The following ZNF891 variants were observed in gnomAD, a reference collection of about 807,000 sequenced individuals.
ZNF891 encodes the protein zinc finger protein 891.
For missense variants in ZNF891, 589 were observed against 632.7 expected, an observed-to-expected ratio of 0.93 and a Z score of 0.74; for synonymous variants, 199 against 209.0, an observed-to-expected ratio of 0.95 and a Z score of 0.41.
In ZNF891 at chr12:133,118,711, C is replaced by G. The variant is rs1955729971; in HGVS notation, c.*1573G>C. The G allele has an allele frequency of 6.6e-6, 1 of 152,198 alleles. No individual in the cohort carries two copies. Among genetic ancestry groups the G allele is most frequent in the Non-Finnish European group, 1.5e-5 (1 of 68,042 alleles). 9.4% of individuals were successfully genotyped at this position (152,198 alleles called of 1,614,324 possible). On this transcript the variant is annotated 3_prime_UTR_variant, in exon 2 of 2. Transcript: ENST00000537226. The stretch of plus-strand genomic sequence containing the variant: ...TCCAATGCTGAAATGTTGGGATACT[C>G]TTTTTGCTGTTCTAAACACTTGCTT...
chr12:133,106,184 T>C lies in ZNF891; in HGVS notation c.*14100A>G. The C allele has an allele frequency of 6.2e-7, 1 of 1,614,202 alleles. No homozygotes were observed. The highest frequency in any genetic ancestry group is 8.5e-7 in the Non-Finnish European group (1 of 1,180,024). On this transcript the variant is annotated 3_prime_UTR_variant, in exon 2 of 2. Coordinates refer to ENST00000537226, the MANE Select transcript of ZNF891 (RefSeq NM_001277291.2). ...ACATACTGGAGAGAAACCTTATGAA[T>C]GCATTGAATGTGGGAAGGCATTTCG...
chr12:133,106,481 C>A lies in ZNF891; in HGVS notation c.*13803G>T. ...CTTCAGCCGGAGCTTTTCCCTCATT[C>A]TACATCAGAGAACTCATACTGGAGA... On this transcript the variant is annotated 3_prime_UTR_variant, in exon 2 of 2. Transcript: ENST00000537226. The A allele has an allele frequency of 6.2e-7, 1 of 1,613,996 alleles. No homozygotes were observed. Among genetic ancestry groups the A allele is most frequent in the Non-Finnish European group, 8.5e-7 (1 of 1,179,960 alleles).
chr12:133,106,075 T>C lies in ZNF891; in HGVS notation c.*14209A>G. ...CCAACCTCACTCGACATCAAAGAAT[T>C]CACATAGGAAAGAAACAATATATAT... On this transcript the variant is annotated 3_prime_UTR_variant, in exon 2 of 2. Coordinates refer to ENST00000537226, the MANE Select transcript of ZNF891 (RefSeq NM_001277291.2). 6.2e-7 allele frequency: 1 copy of C among 1,614,064 alleles called. No individual in the cohort carries two copies. Among genetic ancestry groups the C allele is most frequent in the African/African-American group, 1.3e-5 (1 of 75,034 alleles).
chr12:133,108,657 C>G lies in ZNF891; in HGVS notation c.*11627G>C, dbSNP rs1457586666. 1 of 152,254 alleles carries G rather than the reference C, an allele frequency of 6.6e-6. No homozygotes were observed. The highest frequency in any genetic ancestry group is 1.5e-5 in the Non-Finnish European group (1 of 68,038). The allele number at this position is 152,254 out of a possible 1,614,324, so 9.4% of individuals were successfully genotyped here. On this transcript the variant is annotated 3_prime_UTR_variant, in exon 2 of 2. Transcript: ENST00000537226. ...CCCCTGACTACATCAAATCTTTGCC[C>G]TCTAGTTTTTGTTGAGTGCAGCCAA... is the stretch of plus-strand genomic sequence containing the variant.
chr12:133,122,984 A>C (rs1243955188), intron 1 of ZNF891, among the ~76,000 whole-genome samples: 3 of 152,242 alleles, frequency 2.0e-5, no homozygotes, highest in East Asian at 3.8e-4. Context: ...GTAAATACAA[A>C]AGATACATGC....
In ZNF891 at chr12:133,104,837, CAT is replaced by C. The variant is rs1955526199; in HGVS notation, c.*15445_*15446del. ...CTTTCATTTTAGGTTAAAGGTTACT[CAT>C]GTTACATGAGCAAATTGTGTGTCAT... is the stretch of plus-strand genomic sequence containing the variant. On this transcript the variant is annotated 3_prime_UTR_variant, in exon 2 of 2. Coordinates refer to ENST00000537226, the MANE Select transcript of ZNF891 (RefSeq NM_001277291.2). Among the ~76,000 whole-genome samples, 1 of 152,124 alleles carries C rather than the reference CAT, an allele frequency of 6.6e-6. No individual in the cohort carries two copies. The highest frequency in any genetic ancestry group is 2.4e-5 in the African/African-American group (1 of 41,424).
Position 133,120,950 on chromosome 12 carries a change from A to T in ZNF891, c.969T>A (p.Asn323Lys). The T allele has an allele frequency of 6.5e-7, 1 of 1,535,972 alleles. No individual in the cohort carries two copies. The highest frequency in any genetic ancestry group is 8.7e-7 in the Non-Finnish European group (1 of 1,146,826). ...TCCTTTTGAAGGCTTTTCCACATTGATTGCATTCATGTTTCTTTTCAGTAT... is the reference window on the plus strand; with the variant it reads ...TCCTTTTGAAGGCTTTTCCACATTGTTTGCATTCATGTTTCTTTTCAGTAT... Reference protein sequence around the residue: ...QTHTEKKHECNQCGKAFKRIS... With the variant: ...QTHTEKKHECKQCGKAFKRIS... The change falls in exon 2 of 2, where the codon AAT (asparagine) becomes AAA (lysine). Residue 323 changes from asparagine (N) to lysine (K), a missense_variant. Asn to Lys is a moderately conservative substitution (Grantham distance 94, BLOSUM62 0). Coordinates refer to ENST00000537226, the MANE Select transcript of ZNF891 (RefSeq NM_001277291.2).
chr12:133,129,864 G>C (rs1337689562), intron 1 of ZNF891, among the ~76,000 whole-genome samples: 1 of 152,194 alleles, frequency 6.6e-6, no homozygotes, highest in Non-Finnish European at 1.5e-5. Flanking sequence ...TCATTACTAG[G>C]TTTAGAGATT....
rs1955712943 is a variant in ZNF891, at chr12:133,115,896, C to T, written c.*4388G>A. On this transcript the variant is annotated 3_prime_UTR_variant, in exon 2 of 2. Transcript: ENST00000537226. ...ATCTGAAAATCCAAAATTTTAAATG[C>T]TCCAATGAGCATTTCTTTTGAAAGT... 6.6e-6 allele frequency: 1 copy of T among 152,194 alleles called. No homozygotes were observed. The highest frequency in any genetic ancestry group is 2.4e-5 in the African/African-American group (1 of 41,452). 9.4% of individuals were successfully genotyped at this position (152,194 alleles called of 1,614,324 possible).
Position 133,109,356 on chromosome 12 carries a change from C to G in ZNF891, c.*10928G>C, listed in dbSNP as rs76381931. On this transcript the variant is annotated 3_prime_UTR_variant, in exon 2 of 2. Transcript: ENST00000537226. ...TGGGAGGGGTTGGGTAAAATCTGCA[C>G]AAGAGTCCAAGGGATGCACTGTTAA... is the stretch of plus-strand genomic sequence containing the variant. 2 of 152,106 alleles carry G rather than the reference C, an allele frequency of 1.3e-5. No homozygotes were observed. The highest frequency in any genetic ancestry group is 4.8e-5 in the African/African-American group (2 of 41,406). 9.4% of individuals were successfully genotyped at this position (152,106 alleles called of 1,614,324 possible).
rs1480180936 is a variant in ZNF891, at chr12:133,109,388, T to C, written c.*10896A>G. The C allele has an allele frequency of 1.3e-5, 2 of 152,238 alleles. No individual in the cohort carries two copies. Among genetic ancestry groups the C allele is most frequent in the African/African-American group, 4.8e-5 (2 of 41,464 alleles). 9.4% of individuals were successfully genotyped at this position (152,238 alleles called of 1,614,324 possible). A position where few individuals can be genotyped will look rare whatever the true frequency, so the allele number is the denominator to read the frequency against. On this transcript the variant is annotated 3_prime_UTR_variant, in exon 2 of 2. Transcript: ENST00000537226. ...CCAAGGGATGCACTGTTAATGAGAA[T>C]TTTAACCATATAGGTGGCAATGGCT... is the stretch of plus-strand genomic sequence containing the variant.
chr12:133,121,080 A>C lies in ZNF891; in HGVS notation c.839T>G (p.Met280Arg). The C allele has an allele frequency of 2.6e-6, 4 of 1,535,574 alleles. No individual in the cohort carries two copies. The highest frequency in any genetic ancestry group is 3.5e-6 in the Non-Finnish European group (4 of 1,146,814). Residue 280 changes from methionine to arginine, a missense_variant, in exon 2 of 2, where the codon ATG (methionine) becomes AGG (arginine). Transcript: ENST00000537226. ...SKHGMHFTHN[M>R]FPVPNNLHMA... ...ATGCAAATTGTTAGGTACAGGAAAC[A>C]TATTATGTGTGAAGTGCATTCCATG...
Position 133,111,690 on chromosome 12 carries a change from T to C in ZNF891, c.*8594A>G, listed in dbSNP as rs1955683592. 2 of 152,198 alleles carry C rather than the reference T, an allele frequency of 1.3e-5. No homozygotes were observed. The highest frequency in any genetic ancestry group is 1.3e-4 in the Admixed American group (2 of 15,284). The allele number at this position is 152,198 out of a possible 1,614,324, so 9.4% of individuals were successfully genotyped here. ...AAAATATAATTTTATGTATTTGACA[T>C]GCATTTCTTAAGTTAGAGGTGAATT... On this transcript the variant is annotated 3_prime_UTR_variant, in exon 2 of 2. Coordinates refer to ENST00000537226, the MANE Select transcript of ZNF891 (RefSeq NM_001277291.2).
At position 133,110,091 on chromosome 12, in the gene ZNF891, A is replaced by G. The variant is rs1955671631; in HGVS notation, c.*10193T>C. ...GCGAGACTCCGTCTCAAAAAAAAAGAAAACCTAGAATATTTATTTACTCTC... is the reference window on the plus strand; with the variant it reads ...GCGAGACTCCGTCTCAAAAAAAAAGGAAACCTAGAATATTTATTTACTCTC... On this transcript the variant is annotated 3_prime_UTR_variant, in exon 2 of 2. Transcript: ENST00000537226. 1 of 152,228 alleles carries G rather than the reference A, an allele frequency of 6.6e-6. No homozygotes were observed. The allele number at this position is 152,228 out of a possible 1,614,324, so 9.4% of individuals were successfully genotyped here.
At position 133,107,612 on chromosome 12, in the gene ZNF891, T is replaced by G. The variant is rs1397567126; in HGVS notation, c.*12672A>C. The G allele has an allele frequency of 1.3e-5, 2 of 152,258 alleles. No individual in the cohort carries two copies. The highest frequency in any genetic ancestry group is 1.3e-4 in the Admixed American group (2 of 15,292). 9.4% of individuals were successfully genotyped at this position (152,258 alleles called of 1,614,324 possible). ...TTTAAGGTAATGCTGACAGTTATCC[T>G]TGAATCTGACTATAGACATTTGTTA... On this transcript the variant is annotated 3_prime_UTR_variant, in exon 2 of 2. Coordinates refer to ENST00000537226, the MANE Select transcript of ZNF891 (RefSeq NM_001277291.2).
chr12:133,125,679 G>T, intron 1 of ZNF891: 1 of 300,398 alleles, frequency 3.3e-6, no homozygotes, highest in South Asian at 3.2e-5. Context: ...AGCACCCTCA[G>T]GAGAAACAAG....
At position 133,110,238 on chromosome 12, in the gene ZNF891, G is replaced by A. The variant is rs1308865591; in HGVS notation, c.*10046C>T. On this transcript the variant is annotated 3_prime_UTR_variant, in exon 2 of 2. Transcript: ENST00000537226. ...CAATAGCACAAGAAAGGAGGGAGAC[G>A]TTTAAAAGATGAGTCTAGGAATATT... is the stretch of plus-strand genomic sequence containing the variant. 7 of 152,202 alleles carry A rather than the reference G, an allele frequency of 4.6e-5. No individual in the cohort carries two copies. The highest frequency in any genetic ancestry group is 7.3e-5 in the Non-Finnish European group (5 of 68,034). The allele number at this position is 152,202 out of a possible 1,614,324, so 9.4% of individuals were successfully genotyped here.
chr12:133,122,167 T>G (rs1477829102), intron 1 of ZNF891, 143 bp from the exon 2 acceptor site: 1 of 1,232,132 alleles, frequency 8.1e-7, no homozygotes, highest in African/African-American at 1.5e-5. Flanking sequence ...CTGGGATTTG[T>G]ACTGACATGC....
Position 133,108,967 on chromosome 12 carries a change from C to T in ZNF891, c.*11317G>A, listed in dbSNP as rs556579663. On this transcript the variant is annotated 3_prime_UTR_variant, in exon 2 of 2. Coordinates refer to ENST00000537226, the MANE Select transcript of ZNF891 (RefSeq NM_001277291.2). ...TCCAGTGTCCAATCTTTTGGCATCC[C>T]TGGGCCACATTGGAAGAATTGTCTT... 34 of 152,282 alleles carry T rather than the reference C, an allele frequency of 2.2e-4. No individual in the cohort carries two copies. Among genetic ancestry groups the T allele is most frequent in the Admixed American group, 2.1e-3 (32 of 15,298 alleles). The allele number at this position is 152,282 out of a possible 1,614,324, so 9.4% of individuals were successfully genotyped here. A position where few individuals can be genotyped will look rare whatever the true frequency, so the allele number is the denominator to read the frequency against.
Sources: gnomAD v4.1 joint callset for allele counts (sites outside exome capture counted in the v4.1 genomes callset) on GRCh38, gnomAD v4.1.1 for gene constraint, MANE v1.5 for transcripts, NCBI Gene and HGNC (gene_info 2026-07-23, HGNC 2026-07-21) for gene names.